Variants in CHSY1 observed in about 807,000 individuals in gnomAD.
The protein encoded by CHSY1 is chondroitin sulfate synthase 1.
In CHSY1, 13 loss-of-function variants were observed where a neutral mutation model predicts 59.8. The observed-to-expected ratio is 0.22, with a 90% CI of 0.14 to 0.35. CHSY1 has a LOEUF of 0.35. Among genes scored for constraint, CHSY1 ranks in the 10% least tolerant of loss-of-function variants. The pLI is 1.00. For synonymous variants in CHSY1, 459 were observed against 401.2 expected (o/e 1.14, Z -1.72); for missense variants, 947 against 1,030.6 (o/e 0.92, Z 1.11).
chr15:101,227,845 G>A (rs948665272), intron 2 of CHSY1, among the ~76,000 whole-genome samples: 2 of 152,090 alleles, frequency 1.3e-5, no homozygotes, highest in Non-Finnish European at 2.9e-5. Context: ...AGAGACTTCC[G>A]TGGCCACATA....
chr15:101,200,350 G>A (rs1339832818), intron 2 of CHSY1, among the ~76,000 whole-genome samples: 4 of 152,148 alleles, frequency 2.6e-5, no homozygotes, highest in Non-Finnish European at 4.4e-5. Flanking sequence ...TAAACACAAC[G>A]CGAAGAAGAC....
intron 2 of CHSY1, among the ~76,000 whole-genome samples, chr15:101,234,757 C>G (rs113612035): frequency 6.6e-6 from 1 of 152,086 alleles, no homozygotes; most frequent in African/African-American, 2.4e-5. Context: ...ATCCTAGCTA[C>G]TCGGGAGGCT....
At position 101,178,836 on chromosome 15, in the gene CHSY1, T is replaced by G; in HGVS notation, c.961A>C (p.Ser321Arg). 1 of 1,614,224 alleles carries G rather than the reference T, an allele frequency of 6.2e-7. No homozygotes were observed. Among genetic ancestry groups the G allele is most frequent in the South Asian group, 1.1e-5 (1 of 91,082 alleles). Residue 321 changes from serine to arginine, a missense_variant, in exon 3 of 3, where the codon AGC becomes CGC. Ser to Arg is a moderately radical substitution (Grantham distance 110). Around this residue, in one of 4 missense-constraint regions of CHSY1, gnomAD observed 602 missense variants for 676.9 expected, o/e 0.89. Coordinates refer to ENST00000254190, the MANE Select transcript of CHSY1 (RefSeq NM_014918.5). ...TGGCGGAGCTCGGATATCTTGCGGCTCAGCATGTAGCTGTGGAGCCTGTAC... is the reference window on the plus strand; with the variant it reads ...TGGCGGAGCTCGGATATCTTGCGGCGCAGCATGTAGCTGTGGAGCCTGTAC... ...YQYRLHSYML[S>R]RKISELRHRT...
At chr15:101,218,906 G>C (rs920601061) in intron 2 of CHSY1, among the ~76,000 whole-genome samples, 1 of 152,126 alleles carries the variant, frequency 6.6e-6, no homozygotes, top group African/African-American at 2.4e-5. Context: ...AACTTTATTG[G>C]TTCTTTTCAA....
intron 2 of CHSY1, among the ~76,000 whole-genome samples, chr15:101,208,044 A>T (rs1455081052): frequency 6.6e-6 from 1 of 152,254 alleles, no homozygotes; most frequent in Non-Finnish European, 1.5e-5. Flanking sequence ...CAGTAAGTAA[A>T]TGTGGCTGAG....
chr15:101,246,027 G>T (rs1198618485), intron 1 of CHSY1, among the ~76,000 whole-genome samples: 1 of 152,334 alleles, frequency 6.6e-6, no homozygotes, highest in Non-Finnish European at 1.5e-5. Context: ...GTTGGTAGAG[G>T]AACAGTCCGT....
Position 101,251,358 on chromosome 15 carries a change from C to G in CHSY1, c.99G>C (p.Glu33Asp). The G allele has an allele frequency of 8.6e-7, 1 of 1,157,962 alleles. No homozygotes were observed. Among genetic ancestry groups the G allele is most frequent in the Non-Finnish European group, 1.1e-6 (1 of 922,444 alleles). The allele number at this position is 1,157,962 out of a possible 1,614,324, so 71.7% of individuals were successfully genotyped here. A position where few individuals can be genotyped will look rare whatever the true frequency, so the allele number is the denominator to read the frequency against. ...ASRLVLPRAS[E>D]LKRAGPRRRA... ...GGCGCCGTGGGCCCGCTCGCTTCAG[C>G]TCGGAAGCCCGGGGCAGGACGAGCC... Residue 33 changes from glutamate to aspartate, a missense_variant, in exon 1 of 3, where the codon GAG (glutamate) becomes GAC (aspartate). Transcript: ENST00000254190.
chr15:101,220,218 C>T (rs1254068199), intron 2 of CHSY1, among the ~76,000 whole-genome samples: 3 of 152,166 alleles, frequency 2.0e-5, no homozygotes, highest in Non-Finnish European at 2.9e-5. Context: ...ATTTCATTGG[C>T]CTCCCTGCTC....
At chr15:101,200,271 T>C (rs910254584) in intron 2 of CHSY1, among the ~76,000 whole-genome samples, 1 of 152,218 alleles carries the variant, frequency 6.6e-6, no homozygotes, top group African/African-American at 2.4e-5. Context: ...AGAGACGCCT[T>C]TACGCAAAAA....
chr15:101,235,726 G>A, intron 1 of CHSY1, 149 bp from the exon 2 acceptor site: 1 of 785,490 alleles, frequency 1.3e-6, no homozygotes, highest in East Asian at 2.6e-5. Flanking sequence ...GAAAGCCCAG[G>A]TTACCGCGTA....
rs184980067 is a variant in CHSY1 at position 101,212,601 on chromosome 15, T to G, written c.816+22481A>C. ...GAAGAAAATCACAACAGTGGTTGCC[T>G]TGAGCTGGGAGATTCATTGGGAAGG... On this transcript the variant is annotated intron_variant, in intron 2 of 2. Transcript: ENST00000254190. 3.2e-3 allele frequency among the ~76,000 whole-genome samples: 486 copies of G among 152,340 alleles called. 3 individuals are homozygous for G. The highest frequency in any genetic ancestry group is 4.5e-3 in the Non-Finnish European group (303 of 68,036).
chr15:101,187,013 T>C (rs905488219), intron 2 of CHSY1, among the ~76,000 whole-genome samples: 29 of 152,206 alleles, frequency 1.9e-4, no homozygotes, highest in African/African-American at 6.3e-4. Flanking sequence ...AGCAATATCT[T>C]CATTGACTGA....
chr15:101,179,973 G>A (rs1411661799), intron 2 of CHSY1, among the ~76,000 whole-genome samples: 1 of 152,228 alleles, frequency 6.6e-6, no homozygotes, highest in Non-Finnish European at 1.5e-5. Context: ...AAGCATTTGA[G>A]GTTGGTATCT....
chr15:101,220,853 A>G (rs1290136105), intron 2 of CHSY1, among the ~76,000 whole-genome samples: 2 of 152,096 alleles, frequency 1.3e-5, no homozygotes, highest in Non-Finnish European at 2.9e-5. Flanking sequence ...AACTGCTCAA[A>G]ACGTCCTTTC....
intron 2 of CHSY1, among the ~76,000 whole-genome samples, chr15:101,207,837 C>G (rs544943552): frequency 6.6e-6 from 1 of 152,300 alleles, no homozygotes; most frequent in African/African-American, 2.4e-5. Context: ...CCCTGCCCCA[C>G]CCGTTGTCCT....
intron 1 of CHSY1, among the ~76,000 whole-genome samples, chr15:101,241,537 T>G (rs567437667): frequency 6.0e-4 from 91 of 152,342 alleles, no homozygotes; most frequent in African/African-American, 2.1e-3. Flanking sequence ...ATTTTTACTT[T>G]TGTAATAAAA....
chr15:101,193,674 T>C (rs1226029991), intron 2 of CHSY1, among the ~76,000 whole-genome samples: 1 of 152,246 alleles, frequency 6.6e-6, no homozygotes, highest in Admixed American at 6.5e-5. Flanking sequence ...GTTTACTCCA[T>C]GGACCCAAAT....
chr15:101,200,759 C>T (rs1332134567), intron 2 of CHSY1, among the ~76,000 whole-genome samples: 1 of 152,166 alleles, frequency 6.6e-6, no homozygotes, highest in African/African-American at 2.4e-5. Context: ...CCAGCCTCAC[C>T]TTGCTCTGAA....
chr15:101,189,650 G>A (rs368695027), intron 2 of CHSY1: 19 of 164,240 alleles, frequency 1.2e-4, no homozygotes, highest in East Asian at 9.6e-4. Flanking sequence ...ATATCTGTGG[G>A]TCAAATATGA....
Sources: allele counts gnomAD v4.1 joint callset (sites outside exome capture counted in the v4.1 genomes callset), GRCh38; gene constraint gnomAD v4.1.1; regional missense constraint gnomAD v4.1.1; transcripts MANE v1.5; gene names NCBI Gene and HGNC (gene_info 2026-07-23, HGNC 2026-07-21).